Variants in ERAP1 observed in about 807,000 individuals in gnomAD.
ERAP1 encodes the protein adipocyte-derived leucine aminopeptidase.
In ERAP1, 86 loss-of-function variants were observed where a neutral mutation model predicts 103.7. That is an observed-to-expected ratio of 0.83 (90% confidence interval 0.70 to 0.99). The LOEUF is 0.99. ERAP1 is among the 50% of genes least tolerant of loss of function. The pLI, the probability that ERAP1 is intolerant of heterozygous loss-of-function variation, is 0.00. For synonymous variants in ERAP1, 398 were observed against 402.4 expected (o/e 0.99, Z 0.13); for missense variants, 1,009 against 1,128.4 (o/e 0.89, Z 1.52).
the ERAP1 span, chr5:96,892,503 T>A: frequency 4.4e-6 from 7 of 1,601,072 alleles, no homozygotes; most frequent in Non-Finnish European, 6.0e-6. Context: ...AATAACATTA[T>A]ATAGAACACG....
In ERAP1 at chr5:96,776,370, A is replaced by G. The variant is rs760257744; in HGVS notation, c.*26T>C. 5.6e-6 allele frequency: 9 copies of G among 1,596,776 alleles called. No individual in the cohort carries two copies. The African/African-American group carries it at 1.1e-4, about 19-fold the overall frequency. On this transcript the variant is annotated 3_prime_UTR_variant, in exon 19 of 19. Transcript: ENST00000443439. ...AACAAAATGTTGGTGATTAGAGATA[A>G]CAGGAACCTGGCAAGGGAGGAATTT...
At chr5:96,836,559 A>G in the ERAP1 span, among the ~76,000 whole-genome samples, 1 of 152,240 alleles carries the variant, frequency 6.6e-6, no homozygotes, top group African/African-American at 2.4e-5. Flanking sequence ...CATTAAAAAT[A>G]CTTTTTGATG....
the ERAP1 span, among the ~76,000 whole-genome samples, chr5:96,833,792 GA>G: frequency 0.42 from 58,638 of 140,264 alleles, 12,067 homozygotes; most frequent in Non-Finnish European, 0.48. Context: ...GCAAGGCTCG[GA>G]AAAAAAAAAA....
chr5:96,932,508 T>C, the ERAP1 span, among the ~76,000 whole-genome samples: 1 of 152,220 alleles, frequency 6.6e-6, no homozygotes, highest in Non-Finnish European at 1.5e-5. Context: ...ATTTTTGTCA[T>C]TGACCCCAAT....
the ERAP1 span, among the ~76,000 whole-genome samples, chr5:96,819,533 G>A: frequency 1.3e-5 from 2 of 152,156 alleles, no homozygotes; most frequent in South Asian, 2.1e-4. Context: ...GAGAGAGAGA[G>A]AGAAAATAAA....
the ERAP1 span, chr5:96,913,332 A>C: frequency 6.2e-7 from 1 of 1,614,044 alleles, no homozygotes; most frequent in South Asian, 1.1e-5. Flanking sequence ...TTGAACTAGG[A>C]ATGGAAGGAA....
the ERAP1 span, chr5:96,873,270 A>G: frequency 2.2e-6 from 1 of 444,882 alleles, no homozygotes; most frequent in Non-Finnish European, 4.6e-6. Context: ...TTCACTGTTA[A>G]CTCATTCATT....
chr5:96,867,748 GC>G, the ERAP1 span, among the ~76,000 whole-genome samples: 2 of 152,144 alleles, frequency 1.3e-5, no homozygotes, highest in Admixed American at 1.3e-4. Flanking sequence ...AAAAGGTACT[GC>G]TTTGTATAAT....
the ERAP1 span, among the ~76,000 whole-genome samples, chr5:96,864,845 A>G: frequency 6.6e-6 from 1 of 152,144 alleles, no homozygotes; most frequent in East Asian, 1.9e-4. Context: ...TATATGTGTA[A>G]GTTAAAACTA....
chr5:96,849,732 A>G, the ERAP1 span, among the ~76,000 whole-genome samples: 1 of 152,322 alleles, frequency 6.6e-6, no homozygotes, highest in East Asian at 1.9e-4. Flanking sequence ...TTATCATGTC[A>G]TTCTTCACAG....
the ERAP1 span, chr5:96,880,358 A>T: frequency 9.0e-7 from 1 of 1,107,330 alleles, no homozygotes; most frequent in Non-Finnish European, 1.3e-6. Context: ...ATTTATGAGA[A>T]ATCCAGTGAA....
At chr5:96,848,927 C>A in the ERAP1 span, 1 of 151,874 alleles carries the variant, frequency 6.6e-6, no homozygotes, top group Non-Finnish European at 1.5e-5. Flanking sequence ...AAAGTATTCA[C>A]CATAATCAAG....
chr5:96,788,426 A>C, intron 11 of ERAP1, 105 bp downstream of exon 11: 1 of 1,369,676 alleles, frequency 7.3e-7, no homozygotes, highest in Non-Finnish European at 1.0e-6. Flanking sequence ...TGCAGCTGAA[A>C]TATTTTAGCA....
intron 13 of ERAP1, 38 bp from the exon 14 acceptor site, chr5:96,784,118 A>C (rs201687749): frequency 6.2e-7 from 1 of 1,611,368 alleles, no homozygotes; most frequent in South Asian, 1.1e-5. Context: ...TTTAAAAGTA[A>C]ATCCGGGAAG....
At chr5:96,929,044 T>C in the ERAP1 span, among the ~76,000 whole-genome samples, 1 of 152,148 alleles carries the variant, frequency 6.6e-6, no homozygotes, top group African/African-American at 2.4e-5. Context: ...TGCTGGCAGG[T>C]CACAGCACAT....
intron 13 of ERAP1, chr5:96,784,856 G>T (rs1268139630): frequency 1.3e-5 from 2 of 151,936 alleles, no homozygotes; most frequent in African/African-American, 4.8e-5. Flanking sequence ...TCAGTGGTAG[G>T]GTATATATTA....
At chr5:96,823,239 A>G in the ERAP1 span, 1 of 411,982 alleles carries the variant, frequency 2.4e-6, no homozygotes, top group East Asian at 7.3e-5. Flanking sequence ...TTTGGAGGAA[A>G]TAAGTGGCAG....
Position 96,765,212 on chromosome 5 carries a change from A to G in ERAP1, c.2819-1984T>C, listed in dbSNP as rs1406100772. 12 of 1,526,812 alleles carry G rather than the reference A, an allele frequency of 7.9e-6. No individual in the cohort carries two copies. The Admixed American group carries it at 1.9e-4, about 25-fold the overall frequency. The allele number at this position is 1,526,812 out of a possible 1,614,324, so 94.6% of individuals were successfully genotyped here. ...ATGAGTGACTAATTCAGCATTATTTACTTTTCAGCAGAGTGACAAAGACCT... is the reference window on the plus strand; with the variant it reads ...ATGAGTGACTAATTCAGCATTATTTGCTTTTCAGCAGAGTGACAAAGACCT... On this transcript the variant is annotated intron_variant, in intron 19 of 19. Coordinates refer to the ERAP1 transcript ENST00000296754.
chr5:96,819,630 C>A, the ERAP1 span, among the ~76,000 whole-genome samples: 3 of 152,116 alleles, frequency 2.0e-5, no homozygotes, highest in Non-Finnish European at 4.4e-5. Context: ...GTTTGAAAAA[C>A]CAAACACTTT....
Sources: allele counts gnomAD v4.1 joint callset (sites outside exome capture counted in the v4.1 genomes callset), GRCh38; gene constraint gnomAD v4.1.1; transcripts MANE v1.5; gene names NCBI Gene and HGNC (gene_info 2026-07-23, HGNC 2026-07-21).